PYROXD2: variants seen among roughly 807,000 people sequenced by gnomAD.
PYROXD2 encodes pyridine nucleotide-disulfide oxidoreductase domain-containing protein 2.
PYROXD2 carries 69 observed loss-of-function variants against 71.1 expected under a neutral mutation model. The observed-to-expected ratio is 0.97, with a 90% CI of 0.80 to 1.19. The LOEUF is 1.19. Ranked by LOEUF, PYROXD2 falls within the 50% of genes most tolerant of loss-of-function variation. PYROXD2 has a pLI of 0.00. For synonymous variants in PYROXD2, 287 were observed against 302.7 expected (o/e 0.95, Z 0.54); for missense variants, 745 against 748.9 (o/e 0.99, Z 0.06).
chr10:98,408,987 C>T (rs1843700591), intron 2 of PYROXD2, among the ~76,000 whole-genome samples: 1 of 152,154 alleles, frequency 6.6e-6, no homozygotes, highest in Non-Finnish European at 1.5e-5. Context: ...GGAATTGAAA[C>T]CAGACAGCGT....
intron 15 of PYROXD2, 131 bp downstream of exon 15, chr10:98,384,816 C>G: frequency 7.5e-7 from 1 of 1,329,820 alleles, no homozygotes; most frequent in South Asian, 1.7e-5. Flanking sequence ...CACAGGGCAG[C>G]TTATGTTGGG....
At chr10:98,397,573 C>T (rs1457401570) in intron 5 of PYROXD2, 75 bp from the exon 6 acceptor site, 1 of 659,920 alleles carries the variant, frequency 1.5e-6, no homozygotes, top group East Asian at 7.4e-5. Context: ...TGGCCTGTCA[C>T]CCCCCCACAG....
At chr10:98,398,602 A>G (rs1163343897) in intron 5 of PYROXD2, among the ~76,000 whole-genome samples, 3 of 152,244 alleles carry the variant, frequency 2.0e-5, no homozygotes, top group Non-Finnish European at 4.4e-5. Context: ...GACAGCATGG[A>G]AAGACAAAAC....
chr10:98,414,879 A>T (rs1458631436), intron 1 of PYROXD2, 130 bp downstream of exon 1: 4 of 1,365,150 alleles, frequency 2.9e-6, no homozygotes, highest in African/African-American at 1.5e-5. Flanking sequence ...GCTAGCGTAT[A>T]AACTTCTGGC....
rs116751848 is a variant in PYROXD2 at position 98,388,088 on chromosome 10, T to A, written c.1447+266A>T. The A allele has an allele frequency of 2.1e-3, 928 of 444,892 alleles. 8 individuals are homozygous for A. Among genetic ancestry groups the A allele is most frequent in the African/African-American group, 0.018 (859 of 49,042 alleles). 27.6% of individuals were successfully genotyped at this position (444,892 alleles called of 1,614,324 possible). A position where few individuals can be genotyped will look rare whatever the true frequency, so the allele number is the denominator to read the frequency against. On this transcript the variant is annotated intron_variant, in intron 13 of 15. Coordinates refer to ENST00000370575, the MANE Select transcript of PYROXD2 (RefSeq NM_032709.3). ...TTGGTTCGTGCAGTCAGCTGTGCTG[T>A]AATAAAAGGTTTCTTAATTAGTCTC... is the stretch of plus-strand genomic sequence containing the variant.
In PYROXD2 at chr10:98,403,625, C is replaced by T. The variant is rs549985800; in HGVS notation, c.316-3368G>A. ...TTCTCTTCTTCCCTCTGACTGGAGA[C>T]TGCTTAGATGTCCACATGGCTGCTG... is the stretch of plus-strand genomic sequence containing the variant. On this transcript the variant is annotated intron_variant, in intron 4 of 15. Transcript: ENST00000370575. Among the ~76,000 whole-genome samples the T allele has an allele frequency of 5.3e-5, 8 of 152,346 alleles. No homozygotes were observed. In the East Asian group the frequency reaches 1.5e-3, roughly 29 times the overall value.
In PYROXD2 at chr10:98,392,600, C is replaced by T. The variant is rs926614939; in HGVS notation, c.928-34G>A. Reference sequence around the variant, plus strand: ...CACCAGAACAAGGCCCCAGAAACCGCAGGAAGGGAAATCCATGTTAGATCT... The same window carrying T: ...CACCAGAACAAGGCCCCAGAAACCGTAGGAAGGGAAATCCATGTTAGATCT... On this transcript the variant is annotated intron_variant, in intron 9 of 15. Transcript: ENST00000370575. The T allele has an allele frequency of 2.5e-6, 4 of 1,604,930 alleles. No individual in the cohort carries two copies. The African/African-American group carries it at 5.3e-5, about 21-fold the overall frequency.
At chr10:98,391,750 T>C (rs980016539) in intron 10 of PYROXD2, among the ~76,000 whole-genome samples, 2 of 152,206 alleles carry the variant, frequency 1.3e-5, no homozygotes, top group Admixed American at 6.5e-5. Flanking sequence ...TTGCCTGCTT[T>C]TGCCCTTTGC....
intron 1 of PYROXD2, 123 bp from the exon 2 acceptor site, chr10:98,411,081 C>A: frequency 7.4e-7 from 1 of 1,343,410 alleles, no homozygotes; most frequent in Non-Finnish European, 1.0e-6. Context: ...GGTGACCCTC[C>A]CCTCCCCTTC....
At position 98,401,273 on chromosome 10, in the gene PYROXD2, A is replaced by AAAAACAAAC. The variant is rs149519972; in HGVS notation, c.316-1017_316-1016insGTTTGTTTT. On this transcript the variant is annotated intron_variant, in intron 4 of 15. Coordinates refer to ENST00000370575, the MANE Select transcript of PYROXD2 (RefSeq NM_032709.3). ...TGTCTCAAAAAAAAAAAAACAAAAA[A>AAAAACAAAC]AAACAAACATAGAAAAGGTACATTA... is the stretch of plus-strand genomic sequence containing the variant. 5.5e-4 allele frequency among the ~76,000 whole-genome samples: 67 copies of AAAAACAAAC among 121,670 alleles called. 1 individual carries two copies. Among genetic ancestry groups the AAAAACAAAC allele is most frequent in the African/African-American group, 2.1e-3 (57 of 27,388 alleles). The allele number at this position is 121,670 out of a possible 152,430, so 79.8% of individuals were successfully genotyped here. A position where few individuals can be genotyped will look rare whatever the true frequency, so the allele number is the denominator to read the frequency against.
At chr10:98,387,014 C>G (rs2296439) in intron 14 of PYROXD2, among the ~76,000 whole-genome samples, 187 bp downstream of exon 14, 8,094 of 152,268 alleles carry the variant, frequency 0.053, 243 homozygotes, top group East Asian at 0.12. Context: ...TGAGCCCCCA[C>G]TAGGGATCCC....
rs1398322376 is a variant in PYROXD2 at position 98,397,375 on chromosome 10, G to T, written c.595C>A (p.Leu199Ile). Reference sequence around the variant, plus strand: ...TTCAGCAGGGGCTTGAGGGTGGAGAGCGACCTCATCCTTTGCAGCAAGGAG... The same window carrying T: ...TTCAGCAGGGGCTTGAGGGTGGAGATCGACCTCATCCTTTGCAGCAAGGAG... ...HGSLLQRMRS[L>I]STLKPLLKAG... Residue 199 changes from leucine to isoleucine, a missense_variant, in exon 6 of 16, where the codon CTC becomes ATC. Coordinates refer to ENST00000370575, the MANE Select transcript of PYROXD2 (RefSeq NM_032709.3). The T allele has an allele frequency of 6.2e-7, 1 of 1,610,402 alleles. No homozygotes were observed. Among genetic ancestry groups the T allele is most frequent in the Non-Finnish European group, 8.5e-7 (1 of 1,177,802 alleles).
In PYROXD2 at chr10:98,397,511, T is replaced by C. The variant is rs1053020685; in HGVS notation, c.472-13A>G. On this transcript the variant is annotated splice_polypyrimidine_tract_variant and intron_variant, in intron 5 of 15. Coordinates refer to ENST00000370575, the MANE Select transcript of PYROXD2 (RefSeq NM_032709.3). ...ATTTGGGAAAGACCTGGAACAGAGC[T>C]CTGCATTAAGGCCCCACTGTCCACA... 3.8e-6 allele frequency: 6 copies of C among 1,582,908 alleles called. No homozygotes were observed. The Admixed American group carries it at 8.6e-5, about 23-fold the overall frequency.
intron 4 of PYROXD2, among the ~76,000 whole-genome samples, chr10:98,403,565 A>T (rs528511036): frequency 6.4e-4 from 98 of 152,140 alleles, no homozygotes; most frequent in South Asian, 1.5e-3. Context: ...GTCCACACTG[A>T]CCTGCCCTCT....
intron 8 of PYROXD2, 31 bp from the exon 9 acceptor site, chr10:98,393,114 G>A (rs773460892): frequency 1.3e-6 from 2 of 1,488,692 alleles, no homozygotes; most frequent in Non-Finnish European, 1.8e-6. Flanking sequence ...TCAGATCCTG[G>A]AGGTGGGATC....
chr10:98,387,903 G>T, intron 13 of PYROXD2: 1 of 188,480 alleles, frequency 5.3e-6, no homozygotes, highest in Non-Finnish European at 1.1e-5. Flanking sequence ...CGAAGTGCTG[G>T]AATTACAGGC....
intron 8 of PYROXD2, among the ~76,000 whole-genome samples, chr10:98,394,613 A>G (rs1268184692): frequency 1.3e-5 from 2 of 150,738 alleles, no homozygotes; most frequent in Non-Finnish European, 2.9e-5. Context: ...GGGGCTCATT[A>G]AGTCAGACCA....
intron 5 of PYROXD2, among the ~76,000 whole-genome samples, chr10:98,397,845 C>T (rs964611484): frequency 6.6e-6 from 1 of 151,634 alleles, no homozygotes; most frequent in Non-Finnish European, 1.5e-5. Flanking sequence ...ATCATGAAAC[C>T]ACTTAGAAGT....
At chr10:98,389,113 G>A (rs868184081) in intron 12 of PYROXD2, among the ~76,000 whole-genome samples, 2 of 152,106 alleles carry the variant, frequency 1.3e-5, no homozygotes, top group African/African-American at 2.4e-5. Flanking sequence ...CGCTGAACTC[G>A]GATGTCCACC....
Sources: gnomAD v4.1 joint callset for allele counts (sites outside exome capture counted in the v4.1 genomes callset) on GRCh38, gnomAD v4.1.1 for gene constraint, MANE v1.5 for transcripts, NCBI Gene and HGNC (gene_info 2026-07-23, HGNC 2026-07-21) for gene names.